Variants in PDCD6IP observed in about 807,000 individuals in gnomAD.
The protein encoded by PDCD6IP is programmed cell death 6-interacting protein.
Under a neutral mutation model 103.7 loss-of-function variants are expected in PDCD6IP, and 43 were observed. That is an observed-to-expected ratio of 0.41 (90% CI 0.32 to 0.53). PDCD6IP has a LOEUF of 0.53. Among genes scored for constraint, PDCD6IP ranks in the 20% least tolerant of loss-of-function variants. The pLI is 0.16. For missense variants in PDCD6IP, 871 were observed against 1,036.7 expected, an observed-to-expected ratio of 0.84 and a Z score of 2.20; for synonymous variants, 354 against 378.7, an observed-to-expected ratio of 0.93 and a Z score of 0.76.
chr3:33,812,836 C>T (rs1346920553), intron 2 of PDCD6IP, among the ~76,000 whole-genome samples: 1 of 152,058 alleles, frequency 6.6e-6, no homozygotes, highest in Non-Finnish European at 1.5e-5. Context: ...AAGACTAAAG[C>T]TGCTGATGGA....
At chr3:33,817,899 AAAAT>A (rs1406654237) in intron 3 of PDCD6IP, among the ~76,000 whole-genome samples, 2 of 152,062 alleles carry the variant, frequency 1.3e-5, no homozygotes, top group Non-Finnish European at 2.9e-5. Context: ...TGGATAGAAA[AAAAT>A]AAAGGAAAAA....
intron 1 of PDCD6IP, among the ~76,000 whole-genome samples, chr3:33,805,052 C>A (rs1422482839): frequency 2.0e-5 from 3 of 152,096 alleles, no homozygotes; most frequent in Non-Finnish European, 4.4e-5. Context: ...ACACCTTCCC[C>A]TTAAATTAAA....
intron 3 of PDCD6IP, among the ~76,000 whole-genome samples, chr3:33,821,741 T>C (rs1696996026): frequency 6.6e-6 from 1 of 152,210 alleles, no homozygotes; most frequent in Non-Finnish European, 1.5e-5. Flanking sequence ...CTTACTGTTC[T>C]TCAGCGTTTT....
rs573627243 is a variant in PDCD6IP, at chr3:33,815,585, G to A, written c.334+1957G>A. ...AGTGAGGAGACTGATGAGAGATGAT[G>A]AGGTTAGACAAGCTAGTGTGTGCAA... On this transcript the variant is annotated intron_variant, in intron 3 of 17. Transcript: ENST00000307296. Among the ~76,000 whole-genome samples, 18 of 152,280 alleles carry A rather than the reference G, an allele frequency of 1.2e-4. No individual in the cohort carries two copies. In the South Asian group the frequency reaches 3.1e-3, roughly 26 times the overall value.
chr3:33,841,455 T>TTTC (rs1160736251), intron 9 of PDCD6IP, among the ~76,000 whole-genome samples: 2 of 145,510 alleles, frequency 1.4e-5, no homozygotes, highest in African/African-American at 5.1e-5. Flanking sequence ...TTTTTTTTTT[T>TTTC]TGAGACGGAG....
At chr3:33,847,064 TGTGAA>T (rs1041768525) in intron 12 of PDCD6IP, among the ~76,000 whole-genome samples, 1 of 152,226 alleles carries the variant, frequency 6.6e-6, no homozygotes, top group African/African-American at 2.4e-5. Flanking sequence ...AAGATTAACT[TGTGAA>T]GAACAACGAA....
Position 33,830,400 on chromosome 3 carries a change from A to G in PDCD6IP, c.834+1431A>G, listed in dbSNP as rs1262304382. 3.3e-5 allele frequency among the ~76,000 whole-genome samples: 5 copies of G among 152,314 alleles called. No homozygotes were observed. In the East Asian group the frequency reaches 9.7e-4, roughly 29 times the overall value. On this transcript the variant is annotated intron_variant, in intron 7 of 17. Coordinates refer to ENST00000307296, the MANE Select transcript of PDCD6IP (RefSeq NM_013374.6). ...GGGACTATTAGATTTAAGTAAGCCCATATTTAGTCTCTATAAATCAGTCAG... is the reference window on the plus strand; with the variant it reads ...GGGACTATTAGATTTAAGTAAGCCCGTATTTAGTCTCTATAAATCAGTCAG...
At chr3:33,852,387 C>T in intron 12 of PDCD6IP, 101 bp from the exon 13 acceptor site, 2 of 1,427,206 alleles carry the variant, frequency 1.4e-6, no homozygotes, top group Non-Finnish European at 1.8e-6. Flanking sequence ...GAAATCATCT[C>T]TCTCTCAGCC....
At chr3:33,810,497 A>G (rs1373217251) in intron 1 of PDCD6IP, among the ~76,000 whole-genome samples, 1 of 152,200 alleles carries the variant, frequency 6.6e-6, no homozygotes, top group Non-Finnish European at 1.5e-5. Context: ...CACTTGGCTC[A>G]TTTTAATGCA....
chr3:33,799,332 T>A (rs1022925959), intron 1 of PDCD6IP: 1 of 177,966 alleles, frequency 5.6e-6, no homozygotes, highest in African/African-American at 2.4e-5. Context: ...ACATTTTGAT[T>A]TCATAATAGT....
chr3:33,838,088 A>G (rs946620811), intron 8 of PDCD6IP, 116 bp from the exon 9 acceptor site: 26 of 912,396 alleles, frequency 2.8e-5, no homozygotes, highest in Admixed American at 5.3e-5. Context: ...TTAAATGTCA[A>G]TAGACAATAA....
At chr3:33,848,711 G>A (rs1213899067) in intron 12 of PDCD6IP, among the ~76,000 whole-genome samples, 1 of 152,136 alleles carries the variant, frequency 6.6e-6, no homozygotes, top group Non-Finnish European at 1.5e-5. Flanking sequence ...CCCATTGAGG[G>A]CATTTCTTGT....
chr3:33,815,336 A>G (rs1401743691), intron 3 of PDCD6IP, among the ~76,000 whole-genome samples: 1 of 152,090 alleles, frequency 6.6e-6, no homozygotes, highest in African/African-American at 2.4e-5. Context: ...ATAATAGTGC[A>G]TGTTTATTGG....
chr3:33,847,931 G>T (rs1379019124), intron 12 of PDCD6IP, among the ~76,000 whole-genome samples: 5 of 152,016 alleles, frequency 3.3e-5, no homozygotes, highest in African/African-American at 1.2e-4. Flanking sequence ...TTGATGTTCA[G>T]TTATACTCAA....
rs532576246 is a variant in PDCD6IP at position 33,861,927 on chromosome 3, C to T, written c.2121-2079C>T. Among the ~76,000 whole-genome samples the T allele has an allele frequency of 1.6e-4, 24 of 152,252 alleles. 1 individual carries two copies. The South Asian group carries it at 5.0e-3, about 32-fold the overall frequency. ...TTTCTTTTGACTAATGGTTTGAATACTACTGTCAGGTTGTTGGGCATAGTA... is the reference window on the plus strand; with the variant it reads ...TTTCTTTTGACTAATGGTTTGAATATTACTGTCAGGTTGTTGGGCATAGTA... On this transcript the variant is annotated intron_variant, in intron 15 of 17. Coordinates refer to ENST00000307296, the MANE Select transcript of PDCD6IP (RefSeq NM_013374.6).
At position 33,805,810 on chromosome 3, in the gene PDCD6IP, T is replaced by C. The variant is rs553375971; in HGVS notation, c.210-6262T>C. Among the ~76,000 whole-genome samples, 233 of 152,072 alleles carry C rather than the reference T, an allele frequency of 1.5e-3. 1 individual carries two copies. Among genetic ancestry groups the C allele is most frequent in the Middle Eastern group, 6.8e-3 (2 of 294 alleles). On this transcript the variant is annotated intron_variant, in intron 1 of 17. Transcript: ENST00000307296. ...CCCAGGCTAGAGTGCAGTGGCGCGA[T>C]CTTGGCTCACTGCAAGCTCCACCTC...
At chr3:33,861,111 C>CT (rs1697942107) in intron 15 of PDCD6IP, among the ~76,000 whole-genome samples, 1 of 150,004 alleles carries the variant, frequency 6.7e-6, no homozygotes, top group South Asian at 2.1e-4. Flanking sequence ...AGATATTTTA[C>CT]TTTTTTTCAC....
chr3:33,835,227 C>T (rs1697321158), intron 7 of PDCD6IP: 1 of 456,426 alleles, frequency 2.2e-6, no homozygotes, highest in African/African-American at 2.0e-5. Context: ...TTGTTCACTT[C>T]CTGTGTTGTT....
intron 4 of PDCD6IP, among the ~76,000 whole-genome samples, chr3:33,823,676 G>A (rs1346040203): frequency 6.6e-6 from 1 of 152,138 alleles, no homozygotes; most frequent in East Asian, 1.9e-4. Context: ...GAGCTACTCG[G>A]GAGGCTGAGG....
Sources: gnomAD v4.1 joint callset for allele counts (sites outside exome capture counted in the v4.1 genomes callset) on GRCh38, gnomAD v4.1.1 for gene constraint, MANE v1.5 for transcripts, NCBI Gene and HGNC (gene_info 2026-07-23, HGNC 2026-07-21) for gene names.